Variants in ANKFN1 observed in about 807,000 individuals in gnomAD.
ANKFN1 encodes the protein ankyrin repeat and fibronectin type III domain containing 1.
Under a neutral mutation model 108.7 loss-of-function variants are expected in ANKFN1, and 74 were observed. That is an observed-to-expected ratio of 0.68 (90% CI 0.56 to 0.83). ANKFN1 has a LOEUF of 0.83. Ranked by LOEUF, ANKFN1 falls within the 40% of genes least tolerant of loss-of-function variation. ANKFN1 has a pLI of 0.00. For synonymous variants in ANKFN1, 547 were observed against 516.2 expected (o/e 1.06, Z -0.81); for missense variants, 1,505 against 1,382.3 (o/e 1.09, Z -1.41).
chr17:56,162,412 G>T (rs546950514), intron 1 of ANKFN1, among the ~76,000 whole-genome samples: 15 of 152,238 alleles, frequency 9.9e-5, no homozygotes, highest in African/African-American at 3.6e-4. Flanking sequence ...TCTGTTTTAA[G>T]CTCTTCTTCT....
chr17:56,487,512 T>C (rs1187180303), intron 18 of ANKFN1, among the ~76,000 whole-genome samples: 1 of 151,634 alleles, frequency 6.6e-6, no homozygotes, highest in Non-Finnish European at 1.5e-5. Context: ...TTAAACCAAT[T>C]GGACTAGAAA....
chr17:56,337,013 A>G (rs2045829457), intron 4 of ANKFN1, among the ~76,000 whole-genome samples: 1 of 152,118 alleles, frequency 6.6e-6, no homozygotes, highest in Admixed American at 6.5e-5. Flanking sequence ...TTTTGTTCCC[A>G]TGTAGTTGTG....
chr17:56,481,967 C>G (rs2050721600), intron 17 of ANKFN1, among the ~76,000 whole-genome samples: 1 of 151,026 alleles, frequency 6.6e-6, no homozygotes, highest in South Asian at 2.1e-4. Context: ...TTTTTGGATA[C>G]TTGTAAAATT....
chr17:56,434,000 C>T (rs763084613), intron 8 of ANKFN1, among the ~76,000 whole-genome samples: 5 of 152,134 alleles, frequency 3.3e-5, no homozygotes, highest in Non-Finnish European at 7.4e-5. Flanking sequence ...TGTGCCACTA[C>T]ACTCCGTCCT....
intron 8 of ANKFN1, among the ~76,000 whole-genome samples, chr17:56,381,470 A>C (rs1309786256): frequency 1.3e-5 from 2 of 152,260 alleles, no homozygotes; most frequent in African/African-American, 2.4e-5. Context: ...AGAAGGCATC[A>C]GACGATCAAA....
intron 2 of ANKFN1, among the ~76,000 whole-genome samples, chr17:56,217,123 A>T (rs1489657833): frequency 6.6e-6 from 1 of 152,140 alleles, no homozygotes; most frequent in South Asian, 2.1e-4. Flanking sequence ...ATAATTGAGG[A>T]TTGAATACGA....
intron 3 of ANKFN1, among the ~76,000 whole-genome samples, chr17:56,284,327 C>T (rs1255320194): frequency 6.6e-6 from 1 of 152,162 alleles, no homozygotes; most frequent in Non-Finnish European, 1.5e-5. Context: ...TACTGAGAAG[C>T]ATAAAATTTC....
At chr17:56,154,232 AG>A (rs1311948363) in intron 1 of ANKFN1, among the ~76,000 whole-genome samples, 2 of 152,134 alleles carry the variant, frequency 1.3e-5, no homozygotes, top group Non-Finnish European at 2.9e-5. Flanking sequence ...TACTAATCAC[AG>A]GTTTCTACAA....
chr17:56,440,346 A>C lies in ANKFN1; in HGVS notation c.930A>C (p.Glu310Asp). The C allele has an allele frequency of 3.7e-6, 6 of 1,612,224 alleles. No homozygotes were observed. Among genetic ancestry groups the C allele is most frequent in the Non-Finnish European group, 5.1e-6 (6 of 1,178,806 alleles). The change falls in exon 9 of 21, where the codon GAA becomes GAC. Residue 310 changes from glutamate (E) to aspartate (D), a missense_variant. By Grantham distance (45) the Glu-to-Asp change is conservative. Transcript: ENST00000682825. ...CTCCAGTGGAATGGAGTATGTCCGAAGACTTTTCTCCTTTGGCTGGAGAAA... is the reference window on the plus strand; with the variant it reads ...CTCCAGTGGAATGGAGTATGTCCGACGACTTTTCTCCTTTGGCTGGAGAAA... Reference protein sequence around the residue: ...TRYKVEWSMSEDFSPLAGEII... With the variant: ...TRYKVEWSMSDDFSPLAGEII...
At chr17:56,147,293 C>G (rs1319214715) in intron 4 of ANKFN1, among the ~76,000 whole-genome samples, 1 of 152,220 alleles carries the variant, frequency 6.6e-6, no homozygotes, top group African/African-American at 2.4e-5. Context: ...AAAGTCCCTT[C>G]CACATTTTTG....
intron 4 of ANKFN1, among the ~76,000 whole-genome samples, chr17:56,089,042 T>TA (rs11333729): frequency 0.098 from 14,761 of 150,544 alleles, 2,393 homozygotes; most frequent in African/African-American, 0.32. Flanking sequence ...ACTATACTGA[T>TA]AAAAAAAAAT....
At chr17:56,335,112 G>T (rs1187705860) in intron 4 of ANKFN1, among the ~76,000 whole-genome samples, 2 of 152,106 alleles carry the variant, frequency 1.3e-5, no homozygotes, top group East Asian at 3.8e-4. Flanking sequence ...TGATGTTTTG[G>T]TTACTGTAGC....
At chr17:56,371,479 T>G (rs566122164) in intron 6 of ANKFN1, among the ~76,000 whole-genome samples, 11 of 152,370 alleles carry the variant, frequency 7.2e-5, no homozygotes, top group African/African-American at 2.6e-4. Context: ...TTGAGTTATC[T>G]TCACAATATT....
upstream of ANKFN1, among the ~76,000 whole-genome samples, chr17:56,151,482 A>T (rs1483073832): frequency 1.3e-5 from 2 of 152,200 alleles, no homozygotes; most frequent in African/African-American, 4.8e-5. Context: ...AATAAGCAGC[A>T]TGGTAGAGTG....
At chr17:56,456,823 A>G in intron 11 of ANKFN1, 38 bp from the exon 12 acceptor site, 1 of 1,548,798 alleles carries the variant, frequency 6.5e-7, no homozygotes, top group Non-Finnish European at 8.9e-7. Flanking sequence ...TGATCTGCCC[A>G]GTGGAATTTA....
At chr17:56,378,775 A>T (rs2047010059) in intron 8 of ANKFN1, among the ~76,000 whole-genome samples, 1 of 152,166 alleles carries the variant, frequency 6.6e-6, no homozygotes, top group Non-Finnish European at 1.5e-5. Context: ...TGAAAATATG[A>T]AAGTGGGGTT....
At position 56,361,159 on chromosome 17, in the gene ANKFN1, CT is replaced by C. The variant is rs1012918385; in HGVS notation, c.601+7121del. Among the ~76,000 whole-genome samples, 6 of 151,864 alleles carry C rather than the reference CT, an allele frequency of 4.0e-5. No homozygotes were observed. The South Asian group carries it at 6.2e-4, about 16-fold the overall frequency. ...TTCATCCATGTTGTTTTATAGCCAT[CT>C]TTTTTTTCTTTTTAAAAAAATTTTA... On this transcript the variant is annotated intron_variant, in intron 6 of 20. Coordinates refer to ENST00000682825, the MANE Select transcript of ANKFN1 (RefSeq NM_001370326.1).
chr17:56,419,573 T>C lies in ANKFN1; in HGVS notation c.911-20754T>C, dbSNP rs1213698777. On this transcript the variant is annotated intron_variant, in intron 8 of 20. Transcript: ENST00000682825. Reference sequence around the variant, plus strand: ...CTTTGGGAGGCCAATACAGGAGAATTACTTGAGGCCAGGATTTCTAGACCA... The same window carrying C: ...CTTTGGGAGGCCAATACAGGAGAATCACTTGAGGCCAGGATTTCTAGACCA... Among the ~76,000 whole-genome samples the C allele has an allele frequency of 3.3e-5, 5 of 151,740 alleles. 2 individuals carry two copies. The Middle Eastern group carries it at 0.016, about 480-fold the overall frequency.
At position 56,503,889 on chromosome 17, in the gene ANKFN1, C is replaced by T. The variant is rs181258273; in HGVS notation, c.2644+4791C>T. ...TCCTGGCCTGCCCAGTGGGCCCTCT[C>T]AGGGAAATTGAGGAGCATAAGCAAG... On this transcript the variant is annotated intron_variant, in intron 20 of 20. Transcript: ENST00000682825. Among the ~76,000 whole-genome samples the T allele has an allele frequency of 2.5e-3, 386 of 152,334 alleles. 2 individuals are homozygous for T. The highest frequency in any genetic ancestry group is 8.6e-3 in the African/African-American group (359 of 41,570).
Sources: gnomAD v4.1 joint callset for allele counts (sites outside exome capture counted in the v4.1 genomes callset) on GRCh38, gnomAD v4.1.1 for gene constraint, MANE v1.5 for transcripts, NCBI Gene and HGNC (gene_info 2026-07-23, HGNC 2026-07-21) for gene names.